Variants in RTRAF observed in about 807,000 individuals in gnomAD.
RTRAF encodes RNA transcription, translation and transport factor.
A neutral mutation model predicts 34.4 loss-of-function variants in RTRAF; 14 were observed. The ratio of observed to expected loss-of-function variants is 0.41; its 90% CI spans 0.27 to 0.64. RTRAF has a LOEUF of 0.64. RTRAF is among the 30% of genes least tolerant of loss of function. RTRAF has a pLI of 0.34. For missense variants in RTRAF, 291 were observed against 288.4 expected, an observed-to-expected ratio of 1.01 and a Z score of -0.06; for synonymous variants, 96 against 95.3, an observed-to-expected ratio of 1.01 and a Z score of -0.04.
intron 3 of RTRAF, among the ~76,000 whole-genome samples, chr14:51,996,442 C>G (rs1213181604): frequency 6.6e-6 from 1 of 152,024 alleles, no homozygotes; most frequent in South Asian, 2.1e-4. Context: ...TTGCGCTCTA[C>G]TATTTTTTGA....
At position 51,993,763 on chromosome 14, in the gene RTRAF, G is replaced by A. The variant is rs774031961; in HGVS notation, c.227G>A (p.Arg76Gln). 6 of 1,603,380 alleles carry A rather than the reference G, an allele frequency of 3.7e-6. No individual in the cohort carries two copies. The highest frequency in any genetic ancestry group is 1.8e-5 in the Admixed American group (1 of 57,140). Residue 76 changes from arginine to glutamine, a missense_variant, in exon 3 of 8, where the codon CGA becomes CAA. Coordinates refer to ENST00000261700, the MANE Select transcript of RTRAF (RefSeq NM_016039.3). ...AACTGTCCTTTCAAGATTCAAGATC[G>A]ACAAGAAGCTATTGACTGGCTTCTT... Reference protein sequence around the residue: ...DVNCPFKIQDRQEAIDWLLGL... With the variant: ...DVNCPFKIQDQQEAIDWLLGL...
chr14:51,990,284 G>A (rs1890412012), intron 1 of RTRAF, among the ~76,000 whole-genome samples: 1 of 152,140 alleles, frequency 6.6e-6, no homozygotes, highest in Admixed American at 6.5e-5. Flanking sequence ...CAGATGAGTG[G>A]GAAGGTTGAA....
At chr14:52,002,065 C>G (rs1043880137) in intron 6 of RTRAF, 199 bp downstream of exon 6, 2 of 559,834 alleles carry the variant, frequency 3.6e-6, no homozygotes, top group Non-Finnish European at 3.1e-6. Context: ...TGAAAAACTT[C>G]ATGTTCCTCT....
Position 52,004,638 on chromosome 14 carries a change from T to A in RTRAF, c.*122T>A. On this transcript the variant is annotated 3_prime_UTR_variant, in exon 8 of 8. Transcript: ENST00000261700. ...GAAGCCCAGAAAATTGGGTATGTTC[T>A]AGAGATTTACCACCATTGCTTATTG... is the stretch of plus-strand genomic sequence containing the variant. The A allele has an allele frequency of 1.1e-6, 1 of 935,522 alleles. No individual in the cohort carries two copies. The highest frequency in any genetic ancestry group is 1.6e-6 in the Non-Finnish European group (1 of 634,664). The allele number at this position is 935,522 out of a possible 1,614,324, so 58.0% of individuals were successfully genotyped here.
intron 3 of RTRAF, among the ~76,000 whole-genome samples, chr14:51,995,067 A>G (rs537377363): frequency 6.6e-6 from 1 of 151,608 alleles, no homozygotes; most frequent in African/African-American, 2.4e-5. Flanking sequence ...ACCACTTTCC[A>G]TTTTGCTTCT....
At chr14:51,991,792 T>C (rs1594984186) in intron 2 of RTRAF, among the ~76,000 whole-genome samples, 1 of 152,166 alleles carries the variant, frequency 6.6e-6, no homozygotes, top group Non-Finnish European at 1.5e-5. Context: ...ATTGGCTAGG[T>C]GTGATGGCTA....
At chr14:51,994,166 GAC>G (rs1182997371) in intron 3 of RTRAF, among the ~76,000 whole-genome samples, 1 of 152,184 alleles carries the variant, frequency 6.6e-6, no homozygotes, top group African/African-American at 2.4e-5. Context: ...TTTCTCAAAA[GAC>G]TGAAACATGT....
chr14:51,992,094 G>C (rs1890443396), intron 2 of RTRAF, among the ~76,000 whole-genome samples: 7 of 152,210 alleles, frequency 4.6e-5, no homozygotes, highest in Admixed American at 4.6e-4. Flanking sequence ...CTTGTTGTAT[G>C]CTAGGGAAAT....
Position 51,989,718 on chromosome 14 carries a change from G to A in RTRAF, c.61+18G>A. The stretch of plus-strand genomic sequence containing the variant: ...CTGCAAAGGTGAGGCGGCGGCCTCA[G>A]CCCGGCCGCGTGTCCCTGACCTGGG... On this transcript the variant is annotated intron_variant, in intron 1 of 7. Coordinates refer to ENST00000261700, the MANE Select transcript of RTRAF (RefSeq NM_016039.3). 1 of 1,588,958 alleles carries A rather than the reference G, an allele frequency of 6.3e-7. No homozygotes were observed. The highest frequency in any genetic ancestry group is 1.7e-4 in the Middle Eastern group (1 of 6,026).
Position 52,006,569 on chromosome 14 carries a change from A to G in RTRAF, c.*2053A>G, listed in dbSNP as rs1009782213. 1.2e-6 allele frequency: 2 copies of G among 1,613,854 alleles called. No individual in the cohort carries two copies. Among genetic ancestry groups the G allele is most frequent in the Non-Finnish European group, 8.5e-7 (1 of 1,179,770 alleles). On this transcript the variant is annotated 3_prime_UTR_variant, in exon 8 of 8. Coordinates refer to ENST00000261700, the MANE Select transcript of RTRAF (RefSeq NM_016039.3). Reference sequence around the variant, plus strand: ...AGTCTGTGTGGTAGAAGTGATCTGCATAGCTTACGATGCTGAAGGGGTACT... The same window carrying G: ...AGTCTGTGTGGTAGAAGTGATCTGCGTAGCTTACGATGCTGAAGGGGTACT...
At chr14:51,996,481 A>T (rs1890523462) in intron 3 of RTRAF, among the ~76,000 whole-genome samples, 1 of 152,090 alleles carries the variant, frequency 6.6e-6, no homozygotes, top group Non-Finnish European at 1.5e-5. Flanking sequence ...CAACATGATC[A>T]ATAACTGAAA....
In RTRAF at chr14:52,007,133, T is replaced by TA. The variant is rs1299740428; in HGVS notation, c.*2622dup. On this transcript the variant is annotated 3_prime_UTR_variant, in exon 8 of 8. Coordinates refer to ENST00000261700, the MANE Select transcript of RTRAF (RefSeq NM_016039.3). ...TATTTCAATGTAAAGGAATCAGTCT[T>TA]AAAAATTTTTACAATAGCTAAACCA... The TA allele has an allele frequency of 6.5e-6, 1 of 155,012 alleles. No individual in the cohort carries two copies. The highest frequency in any genetic ancestry group is 1.4e-5 in the Non-Finnish European group (1 of 69,746). 9.6% of individuals were successfully genotyped at this position (155,012 alleles called of 1,614,324 possible). A position where few individuals can be genotyped will look rare whatever the true frequency, so the allele number is the denominator to read the frequency against.
At chr14:52,003,414 G>A (rs1434060098) in intron 6 of RTRAF, among the ~76,000 whole-genome samples, 1 of 152,082 alleles carries the variant, frequency 6.6e-6, no homozygotes, top group Non-Finnish European at 1.5e-5. Context: ...CAGAGCCTAC[G>A]TAGATTTACA....
Position 52,006,859 on chromosome 14 carries a change from T to C in RTRAF, c.*2343T>C. 2.2e-6 allele frequency: 1 copy of C among 445,622 alleles called. No homozygotes were observed. The highest frequency in any genetic ancestry group is 4.0e-6 in the Non-Finnish European group (1 of 251,182). The allele number at this position is 445,622 out of a possible 1,614,324, so 27.6% of individuals were successfully genotyped here. A position where few individuals can be genotyped will look rare whatever the true frequency, so the allele number is the denominator to read the frequency against. On this transcript the variant is annotated 3_prime_UTR_variant, in exon 8 of 8. Transcript: ENST00000261700. Reference sequence around the variant, plus strand: ...TAGAGATTCAAACTTTCAATCCTTTTTTGGAAGACAGGATTGCATTTACTG... The same window carrying C: ...TAGAGATTCAAACTTTCAATCCTTTCTTGGAAGACAGGATTGCATTTACTG...
Position 52,006,375 on chromosome 14 carries a change from A to G in RTRAF, c.*1859A>G. 1.4e-6 allele frequency: 1 copy of G among 740,334 alleles called. No individual in the cohort carries two copies. Among genetic ancestry groups the G allele is most frequent in the Non-Finnish European group, 2.2e-6 (1 of 452,000 alleles). The allele number at this position is 740,334 out of a possible 1,614,324, so 45.9% of individuals were successfully genotyped here. ...TGATTTCAAAAACATGAAAGGATGA[A>G]AAACATCCTTGAAGGATCTTATCTG... is the stretch of plus-strand genomic sequence containing the variant. On this transcript the variant is annotated 3_prime_UTR_variant, in exon 8 of 8. Coordinates refer to ENST00000261700, the MANE Select transcript of RTRAF (RefSeq NM_016039.3).
chr14:51,991,786 G>T (rs1890439483), intron 2 of RTRAF, among the ~76,000 whole-genome samples: 1 of 152,146 alleles, frequency 6.6e-6, no homozygotes, highest in Admixed American at 6.5e-5. Context: ...GAAGACATTG[G>T]CTAGGTGTGA....
At chr14:51,989,784 CG>C in intron 1 of RTRAF, 84 bp downstream of exon 1, 1 of 1,386,366 alleles carries the variant, frequency 7.2e-7, no homozygotes, top group Non-Finnish European at 9.8e-7. Flanking sequence ...ACCTCCCCGT[CG>C]GGACCCTCGG....
chr14:51,992,889 G>C (rs1890454902), intron 2 of RTRAF, among the ~76,000 whole-genome samples: 2 of 152,176 alleles, frequency 1.3e-5, no homozygotes, highest in South Asian at 4.1e-4. Context: ...AATTAGCCAG[G>C]TGTGGTGGCG....
chr14:52,006,465 T>G lies in RTRAF; in HGVS notation c.*1949T>G. ...AATGAGTCAAGTCAGGTACTGACTT[T>G]TGGTAAAACAAGTGGTGTGTCCTCT... is the stretch of plus-strand genomic sequence containing the variant. On this transcript the variant is annotated 3_prime_UTR_variant, in exon 8 of 8. Coordinates refer to ENST00000261700, the MANE Select transcript of RTRAF (RefSeq NM_016039.3). 6.3e-7 allele frequency: 1 copy of G among 1,578,210 alleles called. No homozygotes were observed. Among genetic ancestry groups the G allele is most frequent in the Non-Finnish European group, 8.6e-7 (1 of 1,158,512 alleles).
Sources: allele counts gnomAD v4.1 joint callset (sites outside exome capture counted in the v4.1 genomes callset), GRCh38; gene constraint gnomAD v4.1.1; transcripts MANE v1.5; gene names NCBI Gene and HGNC (gene_info 2026-07-23, HGNC 2026-07-21).